Variants in RBFOX1 observed in about 807,000 individuals in gnomAD.
The protein encoded by RBFOX1 is RNA binding fox-1 homolog 1, also known as RNA binding protein fox-1 homolog 1.
RBFOX1 carries 8 observed loss-of-function variants against 57.7 expected under a neutral mutation model. The ratio of observed to expected loss-of-function variants is 0.14; its 90% CI spans 0.08 to 0.25. The LOEUF (loss-of-function observed/expected upper bound fraction) is 0.25, where lower values mean the gene tolerates loss of function less well. RBFOX1 is among the 10% of genes least tolerant of loss of function. The pLI is 1.00. For synonymous variants in RBFOX1, 326 were observed against 222.4 expected, an observed-to-expected ratio of 1.47 and a Z score of -4.15; for missense variants, 611 against 548.5, an observed-to-expected ratio of 1.11 and a Z score of -1.14.
In RBFOX1 at chr16:6,097,185, CT is replaced by C. The variant is rs1165993653; in HGVS notation, c.-127+77196del. ...GCTGCCTTGTAAGACGTGACTTTCG[CT>C]TTCTGCCATGATTGTGAGGCCTCCG... On this transcript the variant is annotated intron_variant, in intron 1 of 15. Coordinates refer to ENST00000550418, the MANE Select transcript of RBFOX1 (RefSeq NM_018723.4). The surrounding 1 kb of genome is among the most constrained non-coding windows in gnomAD (Gnocchi z 5.0). 6.6e-6 allele frequency among the ~76,000 whole-genome samples: 1 copy of C among 152,166 alleles called. No individual in the cohort carries two copies. The highest frequency in any genetic ancestry group is 1.9e-4 in the East Asian group (1 of 5,194).
At chr16:6,534,683 G>C (rs1223058559) in intron 2 of RBFOX1, among the ~76,000 whole-genome samples, 1 of 152,122 alleles carries the variant, frequency 6.6e-6, no homozygotes, top group Non-Finnish European at 1.5e-5. Context: ...AAAAGTACTT[G>C]CTTCCTTTGC....
chr16:5,272,921 TG>T (rs2063050513), intron 1 of RBFOX1, among the ~76,000 whole-genome samples: 1 of 152,232 alleles, frequency 6.6e-6, no homozygotes, highest in Non-Finnish European at 1.5e-5. Context: ...ATTCAGCCTT[TG>T]GAAAGTCATG....
At chr16:5,719,995 T>G (rs1036613157) in intron 3 of RBFOX1, among the ~76,000 whole-genome samples, 7 of 152,126 alleles carry the variant, frequency 4.6e-5, no homozygotes, top group Non-Finnish European at 7.4e-5. Flanking sequence ...CCAATCTGTT[T>G]CCGAAGCGGC....
rs554675768 is a variant in RBFOX1 at position 6,934,529 on chromosome 16, GAGT to G, written c.-15-117526_-15-117524del. ...GAACATGTGGTATATGTATGCAGTG[GAGT>G]ACTATTTGGACATAAAAAGAAGGAA... On this transcript the variant is annotated intron_variant, in intron 3 of 15. Coordinates refer to ENST00000550418, the MANE Select transcript of RBFOX1 (RefSeq NM_018723.4). 9.2e-5 allele frequency among the ~76,000 whole-genome samples: 14 copies of G among 152,186 alleles called. No homozygotes were observed. The South Asian group carries it at 2.9e-3, about 32-fold the overall frequency.
At chr16:7,419,299 A>T (rs1051073538) in intron 4 of RBFOX1, among the ~76,000 whole-genome samples, 4 of 152,080 alleles carry the variant, frequency 2.6e-5, no homozygotes, top group African/African-American at 9.7e-5. Flanking sequence ...CAATCATTGC[A>T]ACAGTGACAC....
chr16:7,696,415 C>G (rs76243599), intron 14 of RBFOX1, among the ~76,000 whole-genome samples: 1 of 151,826 alleles, frequency 6.6e-6, no homozygotes, highest in East Asian at 1.9e-4. Flanking sequence ...CCTTCTTAGA[C>G]GGGAGGTCTC....
chr16:5,948,105 A>G (rs900441785), intron 4 of RBFOX1, among the ~76,000 whole-genome samples: 3 of 152,024 alleles, frequency 2.0e-5, no homozygotes, highest in African/African-American at 7.2e-5. Flanking sequence ...TATGTTTGCA[A>G]GAAAGGAAGT....
intron 1 of RBFOX1, among the ~76,000 whole-genome samples, chr16:6,107,883 C>A (rs1477246943): frequency 1.3e-5 from 2 of 152,118 alleles, no homozygotes; most frequent in African/African-American, 2.4e-5. Flanking sequence ...TATGCTTCCA[C>A]CAGTTTCCTG....
chr16:6,359,076 GTTTT>G (rs869188650), intron 2 of RBFOX1, among the ~76,000 whole-genome samples: 3 of 140,264 alleles, frequency 2.1e-5, no homozygotes, highest in South Asian at 2.2e-4. Flanking sequence ...TGTTGAAAGG[GTTTT>G]TGTTTGTTTG....
intron 3 of RBFOX1, among the ~76,000 whole-genome samples, chr16:6,866,160 T>A (rs1296632833): frequency 6.6e-6 from 1 of 152,204 alleles, no homozygotes; most frequent in Admixed American, 6.5e-5. Flanking sequence ...TTTTTCTTTA[T>A]ATTATAAAAC....
intron 4 of RBFOX1, among the ~76,000 whole-genome samples, chr16:7,274,087 C>G (rs1198377782): frequency 6.6e-6 from 1 of 152,200 alleles, no homozygotes; most frequent in Non-Finnish European, 1.5e-5. Context: ...AATTTTCCCA[C>G]TGGCTTTATG....
chr16:5,286,308 A>C (rs2063393447), intron 1 of RBFOX1, among the ~76,000 whole-genome samples: 1 of 151,926 alleles, frequency 6.6e-6, no homozygotes, highest in Non-Finnish European at 1.5e-5. Context: ...CAGGTGCACC[A>C]TTGGGCTCCT....
rs1459240780 is a variant in RBFOX1, at chr16:6,855,664, A to AAG, written c.-15-196392_-15-196391insGA. Among the ~76,000 whole-genome samples, 397 of 151,712 alleles carry AAG rather than the reference A, an allele frequency of 2.6e-3. 1 individual carries two copies. Among genetic ancestry groups the AAG allele is most frequent in the African/African-American group, 9.2e-3 (378 of 41,252 alleles). ...TGAGACTCCATCTCAAAAAAAAAAA[A>AAG]AAAAGATCTTTTAACTCTGGAGAGT... On this transcript the variant is annotated intron_variant, in intron 3 of 15. Transcript: ENST00000550418.
chr16:7,650,572 T>A (rs2064831014), intron 11 of RBFOX1, among the ~76,000 whole-genome samples: 2 of 152,224 alleles, frequency 1.3e-5, no homozygotes, highest in African/African-American at 4.8e-5. Context: ...CTCCCCTCTC[T>A]CTCTCTTGCC....
intron 4 of RBFOX1, among the ~76,000 whole-genome samples, chr16:7,091,468 G>A (rs544092718): frequency 6.1e-4 from 93 of 151,790 alleles, no homozygotes; most frequent in Non-Finnish European, 1.2e-4. Context: ...TTGAAAAGAC[G>A]GGGAGAGAGT....
chr16:6,235,247 A>G (rs2097496692), intron 1 of RBFOX1, among the ~76,000 whole-genome samples: 1 of 151,984 alleles, frequency 6.6e-6, no homozygotes, highest in Non-Finnish European at 1.5e-5. Flanking sequence ...GGTCATTCAC[A>G]TCTCGGAAGG....
At chr16:7,648,885 G>C (rs552298465) in intron 11 of RBFOX1, among the ~76,000 whole-genome samples, 1 of 152,280 alleles carries the variant, frequency 6.6e-6, no homozygotes, top group African/African-American at 2.4e-5. Flanking sequence ...GCCTCCCCTT[G>C]CTTGATTGAA....
intron 1 of RBFOX1, among the ~76,000 whole-genome samples, chr16:5,396,777 G>T (rs2066570933): frequency 1.3e-5 from 2 of 152,198 alleles, no homozygotes; most frequent in African/African-American, 4.8e-5. Context: ...TATTTAGATG[G>T]AGCATTTTAT....
chr16:6,945,311 C>G (rs1428105419), intron 3 of RBFOX1, among the ~76,000 whole-genome samples: 1 of 152,090 alleles, frequency 6.6e-6, no homozygotes, highest in Non-Finnish European at 1.5e-5. Flanking sequence ...CTAGGGGTCT[C>G]AAACGCAGAT....
Sources: allele counts gnomAD v4.1 joint callset (sites outside exome capture counted in the v4.1 genomes callset), GRCh38; gene constraint gnomAD v4.1.1; non-coding constraint Gnocchi (gnomAD v3.1); transcripts MANE v1.5; gene names NCBI Gene and HGNC (gene_info 2026-07-23, HGNC 2026-07-21).